The following TOM1L1 variants were observed in gnomAD, a reference collection of about 807,000 sequenced individuals.
The protein encoded by TOM1L1 is TOM1-like protein 1.
A neutral mutation model predicts 63.4 loss-of-function variants in TOM1L1; 64 were observed. The observed-to-expected ratio is 1.01, with a 90% CI of 0.83 to 1.24. The LOEUF is 1.24. TOM1L1 is among the 50% of genes most tolerant of loss of function. The pLI is 0.00. For missense variants in TOM1L1, 536 were observed against 567.0 expected, an observed-to-expected ratio of 0.95 and a Z score of 0.55; for synonymous variants, 166 against 194.4, an observed-to-expected ratio of 0.85 and a Z score of 1.22.
At chr17:54,925,351 C>T (rs1598024935) in intron 7 of TOM1L1, among the ~76,000 whole-genome samples, 1 of 152,324 alleles carries the variant, frequency 6.6e-6, no homozygotes. Flanking sequence ...ACCTCATTCT[C>T]CTTCCTTCCT....
In TOM1L1 at chr17:54,913,493, G is replaced by A. The variant is rs185892261; in HGVS notation, c.373-255G>A. On this transcript the variant is annotated intron_variant, in intron 4 of 15. Coordinates refer to ENST00000575882, the MANE Select transcript of TOM1L1 (RefSeq NM_005486.3). ...AGCCTGGCCAACATAGTGAAACCCC[G>A]TCTCTACTAAAAAATACAAAAAGTA... 5.7e-4 allele frequency among the ~76,000 whole-genome samples: 87 copies of A among 152,004 alleles called. 1 individual carries two copies. The highest frequency in any genetic ancestry group is 2.1e-3 in the African/African-American group (86 of 41,464).
At chr17:54,915,140 C>T (rs183165513) in intron 6 of TOM1L1, among the ~76,000 whole-genome samples, 37 of 152,212 alleles carry the variant, frequency 2.4e-4, no homozygotes, top group African/African-American at 8.7e-4. Context: ...GTATTTACTT[C>T]TTTGTGTATA....
chr17:54,938,999 T>C lies in TOM1L1; in HGVS notation c.1109T>C (p.Leu370Ser). The C allele has an allele frequency of 6.2e-7, 1 of 1,610,630 alleles. No homozygotes were observed. Among genetic ancestry groups the C allele is most frequent in the South Asian group, 1.1e-5 (1 of 90,774 alleles). Residue 370 changes from leucine to serine, a missense_variant, in exon 11 of 16, where the codon TTG becomes TCG. Transcript: ENST00000575882. Reference sequence around the variant, plus strand: ...CATCCACAGATGAACTTGCTAGCCTTGGAGAATACAGAGATACCCCCGTAA... The same window carrying C: ...CATCCACAGATGAACTTGCTAGCCTCGGAGAATACAGAGATACCCCCGTAA... The part of the protein sequence containing the change: ...SLHPQMNLLA[L>S]ENTEIPPFAQ...
rs114023501 is a variant in TOM1L1 at position 54,933,115 on chromosome 17, T to C, written c.854+2909T>C. 1.2e-3 allele frequency among the ~76,000 whole-genome samples: 182 copies of C among 152,278 alleles called. 1 individual carries two copies. The highest frequency in any genetic ancestry group is 4.0e-3 in the African/African-American group (167 of 41,560). ...CTGTCACAAATTCACACAAACTTAG[T>C]GGCTTATCCTCTGTTTTATCCACTT... On this transcript the variant is annotated intron_variant, in intron 8 of 15. Transcript: ENST00000575882.
At chr17:54,927,641 CTGT>C (rs1474794511) in intron 7 of TOM1L1, among the ~76,000 whole-genome samples, 1 of 152,150 alleles carries the variant, frequency 6.6e-6, no homozygotes, top group Non-Finnish European at 1.5e-5. Flanking sequence ...GCACCAGCAG[CTGT>C]TGTTCTGTAT....
intron 3 of TOM1L1, chr17:54,906,864 T>A: frequency 1.0e-6 from 1 of 956,450 alleles, no homozygotes; most frequent in Non-Finnish European, 1.2e-6. Flanking sequence ...GCTTTCTGAT[T>A]TATTCTGCAC....
chr17:54,954,700 C>T (rs1422694296), intron 14 of TOM1L1: 2 of 152,230 alleles, frequency 1.3e-5, no homozygotes, highest in Non-Finnish European at 2.9e-5. Flanking sequence ...TACTTGTTCC[C>T]TTCCCTATAG....
chr17:54,906,320 G>A (rs1363298292), intron 3 of TOM1L1, among the ~76,000 whole-genome samples: 1 of 151,850 alleles, frequency 6.6e-6, no homozygotes, highest in Non-Finnish European at 1.5e-5. Context: ...AATACAAAAA[G>A]TAGCAGGGCG....
intron 11 of TOM1L1, among the ~76,000 whole-genome samples, chr17:54,939,849 A>G (rs1169142789): frequency 6.6e-6 from 1 of 152,108 alleles, no homozygotes; most frequent in African/African-American, 2.4e-5. Context: ...CCAGCCTGTT[A>G]TCATTATTCC....
chr17:54,935,677 A>G (rs1254441565), intron 8 of TOM1L1, among the ~76,000 whole-genome samples: 1 of 152,318 alleles, frequency 6.6e-6, no homozygotes. Flanking sequence ...TATAGCTACA[A>G]GGTACTAACA....
chr17:54,932,570 A>C (rs542542920), intron 8 of TOM1L1, among the ~76,000 whole-genome samples: 1 of 152,136 alleles, frequency 6.6e-6, no homozygotes, highest in African/African-American at 2.4e-5. Flanking sequence ...ACAGGCACAC[A>C]CCATCATGCC....
Position 54,961,234 on chromosome 17 carries a change from G to C in TOM1L1, c.*2-1G>C. The stretch of plus-strand genomic sequence containing the variant: ...TGGCCATTTTCTTCTCTTTATTTTA[G>C]AAGAAAGTGGATGATCAGCTCACTA... On this transcript the variant is annotated splice_acceptor_variant, in intron 15 of 15. Transcript: ENST00000575882. LOFTEE classifies it low-confidence loss of function (3UTR_SPLICE). The C allele has an allele frequency of 6.5e-7, 1 of 1,527,968 alleles. No individual in the cohort carries two copies. The highest frequency in any genetic ancestry group is 8.9e-7 in the Non-Finnish European group (1 of 1,125,410). The allele number at this position is 1,527,968 out of a possible 1,614,324, so 94.7% of individuals were successfully genotyped here.
intron 3 of TOM1L1, 142 bp downstream of exon 3, chr17:54,905,709 C>T: frequency 1.8e-6 from 1 of 554,992 alleles, no homozygotes; most frequent in Non-Finnish European, 3.2e-6. Flanking sequence ...TGACTTAAAA[C>T]TCTTCATTTA....
At chr17:54,921,417 AT>A (rs1433115451) in intron 7 of TOM1L1, among the ~76,000 whole-genome samples, 2 of 152,174 alleles carry the variant, frequency 1.3e-5, no homozygotes, top group Non-Finnish European at 2.9e-5. Context: ...AAAATTAACC[AT>A]TTTAAAGGGT....
In TOM1L1 at chr17:54,953,570, C is replaced by A. The variant is rs573643134; in HGVS notation, c.1370+3444C>A. On this transcript the variant is annotated intron_variant, in intron 14 of 15. Transcript: ENST00000575882. Reference sequence around the variant, plus strand: ...TGGGGATGATTTGGACATTCCCTTTCCTAGCATCCTTTCTGCTTCCAGTAA... The same window carrying A: ...TGGGGATGATTTGGACATTCCCTTTACTAGCATCCTTTCTGCTTCCAGTAA... 1.2e-4 allele frequency: 18 copies of A among 152,400 alleles called. No homozygotes were observed. The East Asian group carries it at 3.3e-3, about 28-fold the overall frequency. 9.4% of individuals were successfully genotyped at this position (152,400 alleles called of 1,614,324 possible).
intron 8 of TOM1L1, among the ~76,000 whole-genome samples, chr17:54,931,257 T>G (rs926076922): frequency 3.3e-5 from 5 of 152,198 alleles, no homozygotes; most frequent in African/African-American, 1.2e-4. Context: ...GATTTAAGTT[T>G]TTTTCTTTCT....
At chr17:54,920,528 G>A (rs1229084121) in intron 7 of TOM1L1, among the ~76,000 whole-genome samples, 3 of 152,206 alleles carry the variant, frequency 2.0e-5, no homozygotes, top group Non-Finnish European at 2.9e-5. Flanking sequence ...GCCTGATAAA[G>A]CAGGTGGGAT....
intron 7 of TOM1L1, 25 bp downstream of exon 7, chr17:54,915,887 C>A: frequency 6.5e-7 from 1 of 1,549,178 alleles, no homozygotes; most frequent in Non-Finnish European, 8.9e-7. Context: ...CAGGGACTAT[C>A]AGTCAAAGTG....
rs1412672918 is a variant in TOM1L1 at position 54,950,089 on chromosome 17, A to G, written c.1333A>G (p.Met445Val). The change falls in exon 14 of 16, where the codon ATG (methionine) becomes GTG (valine). Residue 445 changes from methionine to valine, a missense_variant. By Grantham distance (21) the Met-to-Val change is conservative (BLOSUM62 1). Transcript: ENST00000575882. Reference sequence around the variant, plus strand: ...CCAGCCACCTAATTACTACGAGGTAATGGAGTTTGATCCCTTAGCTCCTGC... The same window carrying G: ...CCAGCCACCTAATTACTACGAGGTAGTGGAGTTTGATCCCTTAGCTCCTGC... The part of the protein sequence containing the change: ...DLQPPNYYEV[M>V]EFDPLAPAVT... 1.2e-6 allele frequency: 2 copies of G among 1,613,884 alleles called. No homozygotes were observed. Among genetic ancestry groups the G allele is most frequent in the Admixed American group, 3.3e-5 (2 of 59,994 alleles).
Sources: gnomAD v4.1 joint callset for allele counts (sites outside exome capture counted in the v4.1 genomes callset) on GRCh38, gnomAD v4.1.1 for gene constraint, MANE v1.5 for transcripts, NCBI Gene and HGNC (gene_info 2026-07-23, HGNC 2026-07-21) for gene names.